The following PSPC1 variants were observed in gnomAD, a reference collection of about 807,000 sequenced individuals.
PSPC1 encodes paraspeckle component 1, also known as paraspeckle protein 1.
PSPC1 carries 14 observed loss-of-function variants against 51.6 expected under a neutral mutation model. The observed-to-expected ratio is 0.27, with a 90% CI of 0.18 to 0.42. PSPC1 has a LOEUF of 0.42. Among genes scored for constraint, PSPC1 ranks in the 10% least tolerant of loss-of-function variants. PSPC1 has a pLI of 1.00. For missense variants in PSPC1, 406 were observed against 701.1 expected, an observed-to-expected ratio of 0.58 and a Z score of 4.75; for synonymous variants, 193 against 231.9, an observed-to-expected ratio of 0.83 and a Z score of 1.53.
At chr13:19,718,425 T>C (rs1458345811) in intron 6 of PSPC1, among the ~76,000 whole-genome samples, 4 of 152,170 alleles carry the variant, frequency 2.6e-5, no homozygotes, top group African/African-American at 7.2e-5. Context: ...CAAATTAAAA[T>C]GAGACAGCAC....
chr13:19,682,914 A>T (rs1354103585), intron 6 of PSPC1, among the ~76,000 whole-genome samples: 1 of 151,896 alleles, frequency 6.6e-6, no homozygotes, highest in East Asian at 1.9e-4. Flanking sequence ...AAAAAAAAAA[A>T]TAAATTAGCC....
At chr13:19,700,033 T>A (rs1879714892), downstream of PSPC1, among the ~76,000 whole-genome samples, 1 of 152,030 alleles carries the variant, frequency 6.6e-6, no homozygotes, top group African/African-American at 2.4e-5. Flanking sequence ...TCAACCCTTT[T>A]TAAAGCTTTT....
At chr13:19,718,256 T>A (rs1045526084) in intron 6 of PSPC1, among the ~76,000 whole-genome samples, 9 of 151,938 alleles carry the variant, frequency 5.9e-5, no homozygotes, top group African/African-American at 2.2e-4. Flanking sequence ...GACAATCTCT[T>A]TATATATATA....
At chr13:19,772,644 C>G in intron 1 of PSPC1, 101 bp from the exon 2 acceptor site, 1 of 1,056,708 alleles carries the variant, frequency 9.5e-7, no homozygotes, top group African/African-American at 1.6e-5. Flanking sequence ...TAGCAAATGG[C>G]TGACAGGGTC....
rs193297182 is a variant in PSPC1, at chr13:19,693,947, C to A, written c.1159-16124G>T. 4.5e-4 allele frequency among the ~76,000 whole-genome samples: 69 copies of A among 152,000 alleles called. 1 individual carries two copies. The highest frequency in any genetic ancestry group is 8.4e-4 in the African/African-American group (35 of 41,464). Reference sequence around the variant, plus strand: ...GACCATGCTGGCTAACACGGTGAAACCCCATCTCTACTAAAAATACAAAAA... The same window carrying A: ...GACCATGCTGGCTAACACGGTGAAAACCCATCTCTACTAAAAATACAAAAA... On this transcript the variant is annotated intron_variant and NMD_transcript_variant, in intron 6 of 7. Coordinates refer to the PSPC1 transcript ENST00000471658.
chr13:19,743,203 A>C (rs1291635836), intron 4 of PSPC1, among the ~76,000 whole-genome samples: 1 of 152,194 alleles, frequency 6.6e-6, no homozygotes, highest in Non-Finnish European at 1.5e-5. Flanking sequence ...TAAAATAATA[A>C]AATGTTAAAA....
intron 2 of PSPC1, among the ~76,000 whole-genome samples, chr13:19,766,714 G>GT (rs2138259383): frequency 6.6e-6 from 1 of 152,062 alleles, no homozygotes; most frequent in South Asian, 2.1e-4. Flanking sequence ...AGTTAACTGG[G>GT]TGTGGTGGTG....
chr13:19,764,743 CT>C (rs1163845988), intron 2 of PSPC1, among the ~76,000 whole-genome samples: 2 of 133,404 alleles, frequency 1.5e-5, no homozygotes, highest in Non-Finnish European at 3.2e-5. Flanking sequence ...CATGTAATTT[CT>C]TTTTTTTGAG....
At chr13:19,764,882 C>T (rs919260554) in intron 2 of PSPC1, among the ~76,000 whole-genome samples, 2 of 151,944 alleles carry the variant, frequency 1.3e-5, no homozygotes, top group Admixed American at 1.3e-4. Flanking sequence ...TACAAGTGTG[C>T]ACCACCATGC....
chr13:19,743,648 T>G (rs927629093), intron 4 of PSPC1, among the ~76,000 whole-genome samples: 3 of 152,174 alleles, frequency 2.0e-5, no homozygotes, highest in African/African-American at 7.2e-5. Context: ...TTTGGGGATG[T>G]TGCTAAGAAA....
Position 19,730,334 on chromosome 13 carries a change from C to G in PSPC1, c.1063G>C (p.Glu355Gln). 2.5e-6 allele frequency: 4 copies of G among 1,613,984 alleles called. No homozygotes were observed. The highest frequency in any genetic ancestry group is 3.4e-6 in the Non-Finnish European group (4 of 1,179,958). Residue 355 changes from glutamate (E) to glutamine (Q), a missense_variant, in exon 6 of 9, where the codon GAG becomes CAG. Physicochemically the swap from Glu to Gln is conservative, Grantham distance 29. This residue lies in a region of PSPC1 where 61 missense variants were observed against 78.4 expected (regional missense o/e 0.78). Transcript: ENST00000338910. ...ATTTCTTCCTCACGCCGCCGATGCTCCTCTTCATGTCTGAAAATTTTTCAA... is the reference window on the plus strand; with the variant it reads ...ATTTCTTCCTCACGCCGCCGATGCTGCTCTTCATGTCTGAAAATTTTTCAA... Reference protein sequence around the residue: ...RKQIQLRHEEEHRRREEEMIR... With the variant: ...RKQIQLRHEEQHRRREEEMIR...
At chr13:19,773,399 G>A (rs892548962) in intron 1 of PSPC1, among the ~76,000 whole-genome samples, 5 of 151,348 alleles carry the variant, frequency 3.3e-5, no homozygotes, top group African/African-American at 7.3e-5. Flanking sequence ...ACAGGTGCCC[G>A]CTACCACGCC....
intron 3 of PSPC1, among the ~76,000 whole-genome samples, chr13:19,758,279 C>T (rs2138189121): frequency 6.6e-6 from 1 of 151,696 alleles, no homozygotes; most frequent in African/African-American, 2.4e-5. Context: ...TGCCACTGCA[C>T]TCCAGCCTGG....
intron 6 of PSPC1, among the ~76,000 whole-genome samples, chr13:19,694,170 T>C (rs1210699464): frequency 7.4e-5 from 9 of 120,896 alleles, no homozygotes; most frequent in East Asian, 5.1e-4. Flanking sequence ...TATATATACA[T>C]ACACACATAC....
chr13:19,677,249 A>G lies in PSPC1; in HGVS notation c.*76+475T>C, dbSNP rs945589178. 8.1e-5 allele frequency among the ~76,000 whole-genome samples: 11 copies of G among 136,358 alleles called. No homozygotes were observed. In the East Asian group the frequency reaches 9.2e-4, roughly 11 times the overall value. 89.5% of individuals were successfully genotyped at this position (136,358 alleles called of 152,430 possible). On this transcript the variant is annotated intron_variant and NMD_transcript_variant, in intron 7 of 7. Coordinates refer to the PSPC1 transcript ENST00000471658. Reference sequence around the variant, plus strand: ...CTCCGTCTCAAAAAAAAAAAAAAAAAAGAGATTACATATTTTCCAAAGGAA... The same window carrying G: ...CTCCGTCTCAAAAAAAAAAAAAAAAGAGAGATTACATATTTTCCAAAGGAA...
intron 1 of PSPC1, among the ~76,000 whole-genome samples, chr13:19,776,296 C>T (rs1336943541): frequency 6.6e-6 from 1 of 151,856 alleles, no homozygotes; most frequent in Non-Finnish European, 1.5e-5. Context: ...GAGACCTTGT[C>T]TCTACAAAAA....
chr13:19,687,033 CTAAAAA>C (rs1274321410), intron 6 of PSPC1, among the ~76,000 whole-genome samples: 6 of 151,934 alleles, frequency 3.9e-5, no homozygotes, highest in African/African-American at 1.5e-4. Context: ...CCCATCTCTA[CTAAAAA>C]TAAAAATAAA....
At chr13:19,688,210 T>C (rs1365413047) in intron 6 of PSPC1, among the ~76,000 whole-genome samples, 11 of 152,168 alleles carry the variant, frequency 7.2e-5, no homozygotes, top group Admixed American at 2.0e-4. Context: ...CCGAACTCCC[T>C]GTAACACACT....
intron 1 of PSPC1, among the ~76,000 whole-genome samples, chr13:19,779,768 G>A (rs1267543017): frequency 1.3e-5 from 1 of 78,160 alleles, no homozygotes; most frequent in Non-Finnish European, 2.6e-5. Context: ...CAGCCGGCCC[G>A]TCTGGGAGGT....
Sources: allele counts gnomAD v4.1 joint callset (sites outside exome capture counted in the v4.1 genomes callset), GRCh38; gene constraint gnomAD v4.1.1; regional missense constraint gnomAD v4.1.1; transcripts MANE v1.5; gene names NCBI Gene and HGNC (gene_info 2026-07-23, HGNC 2026-07-21).